Variants in MATCAP2 observed in about 807,000 individuals in gnomAD.
MATCAP2 encodes putative tyrosine carboxypeptidase MATCAP2.
chr7:36,373,266 A>G, the MATCAP2 span, among the ~76,000 whole-genome samples: 7 of 152,184 alleles, frequency 4.6e-5, no homozygotes, highest in Non-Finnish European at 8.8e-5. Flanking sequence ...CAAATGATAT[A>G]ATTTCAGATA....
chr7:36,343,791 G>C, the MATCAP2 span, among the ~76,000 whole-genome samples: 1 of 151,416 alleles, frequency 6.6e-6, no homozygotes, highest in East Asian at 1.9e-4. Flanking sequence ...GAGGGAAGGT[G>C]AGACATGTGA....
the MATCAP2 span, among the ~76,000 whole-genome samples, chr7:36,377,950 A>G: frequency 2.0e-5 from 3 of 152,194 alleles, no homozygotes; most frequent in African/African-American, 7.2e-5. Context: ...TTTGAGCTCC[A>G]TCAGGTCATT....
chr7:36,351,013 T>A, the MATCAP2 span, among the ~76,000 whole-genome samples: 1 of 152,212 alleles, frequency 6.6e-6, no homozygotes, highest in Admixed American at 6.5e-5. Flanking sequence ...CTATATACCA[T>A]GACTATATAG....
chr7:36,336,156 C>G, the MATCAP2 span: 3 of 1,534,964 alleles, frequency 2.0e-6, no homozygotes, highest in Non-Finnish European at 2.6e-6. Flanking sequence ...GTTCATACCT[C>G]CCCTAGGCAG....
chr7:36,383,782 T>C, the MATCAP2 span: 1 of 966,334 alleles, frequency 1.0e-6, no homozygotes, highest in Non-Finnish European at 1.6e-6. Context: ...CTGCACGTTC[T>C]GCACATGTAC....
At chr7:36,350,898 CTG>C in the MATCAP2 span, among the ~76,000 whole-genome samples, 1 of 152,200 alleles carries the variant, frequency 6.6e-6, no homozygotes, top group South Asian at 2.1e-4. Context: ...TGGTTCCAAA[CTG>C]TGGCTCAAAC....
chr7:36,355,600 C>T, the MATCAP2 span: 1 of 152,158 alleles, frequency 6.6e-6, no homozygotes, highest in African/African-American at 2.4e-5. Flanking sequence ...TACATAATGG[C>T]TTCAAAAGAC....
At chr7:36,326,333 A>ATAAT in the MATCAP2 span, 1 of 152,564 alleles carries the variant, frequency 6.6e-6, no homozygotes, top group African/African-American at 2.4e-5. Context: ...TCAAAGGAGA[A>ATAAT]TAATTACCAT....
the MATCAP2 span, among the ~76,000 whole-genome samples, chr7:36,381,243 T>G: frequency 0.037 from 5,661 of 152,038 alleles, 144 homozygotes; most frequent in African/African-American, 0.061. Context: ...GAGACCAGGT[T>G]TGGGGTTTGA....
the MATCAP2 span, chr7:36,355,984 C>T: frequency 6.6e-6 from 1 of 152,174 alleles, no homozygotes; most frequent in Admixed American, 6.5e-5. Flanking sequence ...TTATTCATAA[C>T]GTTCACATCA....
chr7:36,324,623 G>T, the MATCAP2 span: 3 of 152,078 alleles, frequency 2.0e-5, no homozygotes, highest in African/African-American at 7.2e-5. Flanking sequence ...CCTGGAAAAA[G>T]AATTAATAAA....
the MATCAP2 span, among the ~76,000 whole-genome samples, chr7:36,339,539 G>T: frequency 7.7e-4 from 118 of 152,272 alleles, no homozygotes; most frequent in African/African-American, 2.6e-3. Flanking sequence ...ATGTGAGAGG[G>T]ATTTCAGAGA....
chr7:36,378,048 A>G, the MATCAP2 span, among the ~76,000 whole-genome samples: 1 of 152,190 alleles, frequency 6.6e-6, no homozygotes, highest in Non-Finnish European at 1.5e-5. Flanking sequence ...GGGTTCGAAC[A>G]TCCTCCTTTA....
At chr7:36,376,057 T>A in the MATCAP2 span, among the ~76,000 whole-genome samples, 1 of 152,182 alleles carries the variant, frequency 6.6e-6, no homozygotes, top group African/African-American at 2.4e-5. Flanking sequence ...ATTCATTGAT[T>A]TTTTTGAAGG....
At chr7:36,386,433 A>ATGTGTACG in the MATCAP2 span, among the ~76,000 whole-genome samples, 2 of 121,554 alleles carry the variant, frequency 1.6e-5, no homozygotes, top group Non-Finnish European at 3.6e-5. Context: ...GTATATGTGT[A>ATGTGTACG]TGTGTATGTG....
chr7:36,388,283 G>C, the MATCAP2 span, among the ~76,000 whole-genome samples: 1 of 149,758 alleles, frequency 6.7e-6, no homozygotes, highest in African/African-American at 2.5e-5. Flanking sequence ...AGGAGTCCAT[G>C]ACTCCCCACA....
chr7:36,357,582 GAAGCTTTTCTGTGTT>G, the MATCAP2 span: 1 of 1,603,146 alleles, frequency 6.2e-7, no homozygotes, highest in Non-Finnish European at 8.5e-7. Flanking sequence ...TCAGGCCAGT[GAAGCTTTTCTGTGTT>G]AATAAACAAA....
At chr7:36,334,103 T>G in the MATCAP2 span, 15 of 1,614,034 alleles carry the variant, frequency 9.3e-6, no homozygotes, top group Admixed American at 1.7e-5. Context: ...GTTTTTTACG[T>G]CCAGTCCAAC....
the MATCAP2 span, among the ~76,000 whole-genome samples, chr7:36,382,130 TA>T: frequency 1.7e-4 from 24 of 144,558 alleles, no homozygotes; most frequent in East Asian, 1.2e-3. Flanking sequence ...CTGTCTCCAC[TA>T]AAAAAAAAAC....
Sources: gnomAD v4.1 joint callset for allele counts (sites outside exome capture counted in the v4.1 genomes callset) on GRCh38, gnomAD v4.1.1 for gene constraint, MANE v1.5 for transcripts, NCBI Gene and HGNC (gene_info 2026-07-23, HGNC 2026-07-21) for gene names.